The following TG variants were observed in gnomAD, a reference collection of about 807,000 sequenced individuals.
The protein encoded by TG is thyroglobulin.
TG carries 270 observed loss-of-function variants against 324.7 expected under a neutral mutation model. That is an observed-to-expected ratio of 0.83 (90% CI 0.75 to 0.92). The LOEUF (loss-of-function observed/expected upper bound fraction) is 0.92. TG is among the 40% of genes least tolerant of loss of function. The probability of loss-of-function intolerance (pLI) is 0.00; values close to 1 mark genes in which losing one functional copy is unlikely to be tolerated. For missense variants in TG, 3,591 were observed against 3,456.4 expected (o/e 1.04, Z -0.98); for synonymous variants, 1,401 against 1,327.0 (o/e 1.06, Z -1.21).
At chr8:133,051,263 CTAA>C in intron 41 of TG, among the ~76,000 whole-genome samples, 1 of 152,300 alleles carries the variant, frequency 6.6e-6, no homozygotes, top group South Asian at 2.1e-4. Context: ...TAAAATGGGA[CTAA>C]TACTACCTCA....
intron 27 of TG, among the ~76,000 whole-genome samples, chr8:132,957,163 A>G (rs1332907331): frequency 2.0e-5 from 3 of 152,186 alleles, no homozygotes; most frequent in Non-Finnish European, 2.9e-5. Flanking sequence ...CCTTGTGGTG[A>G]TTGACAAAGG....
At chr8:133,025,108 A>G (rs1360661909) in intron 40 of TG, among the ~76,000 whole-genome samples, 2 of 152,172 alleles carry the variant, frequency 1.3e-5, no homozygotes, top group African/African-American at 4.8e-5. Context: ...CAGCTCTGAG[A>G]AGGGAGCAAA....
chr8:133,038,777 AAG>A (rs1410375081), intron 41 of TG: 1 of 1,444,868 alleles, frequency 6.9e-7, no homozygotes, highest in Non-Finnish European at 9.7e-7. Context: ...AAGGGAAAAA[AAG>A]AGAGTCATAG....
At chr8:133,071,396 G>C (rs926675249) in intron 41 of TG, among the ~76,000 whole-genome samples, 1 of 152,198 alleles carries the variant, frequency 6.6e-6, no homozygotes, top group African/African-American at 2.4e-5. Context: ...GTGTCCTTAG[G>C]CCTGAGGAAA....
chr8:133,052,388 C>T (rs9942754), intron 41 of TG, among the ~76,000 whole-genome samples: 6,244 of 152,240 alleles, frequency 0.041, 319 homozygotes, highest in African/African-American at 0.12. Context: ...GGGTGTAAGA[C>T]AGAAACCAAG....
intron 35 of TG, among the ~76,000 whole-genome samples, chr8:132,992,743 C>G (rs575628424): frequency 9.9e-5 from 15 of 152,176 alleles, no homozygotes; most frequent in Non-Finnish European, 2.1e-4. Context: ...AGGGTTTGTT[C>G]CTCCTCTGCT....
At chr8:132,926,177 A>G (rs1252515146) in intron 22 of TG, among the ~76,000 whole-genome samples, 1 of 152,192 alleles carries the variant, frequency 6.6e-6, no homozygotes, top group African/African-American at 2.4e-5. Context: ...TAGGTCCTTA[A>G]GCAAGGGACT....
intron 23 of TG, 39 bp downstream of exon 23, chr8:132,929,231 G>A (rs1394469199): frequency 6.7e-7 from 1 of 1,496,582 alleles, no homozygotes; most frequent in Admixed American, 1.7e-5. Context: ...AGAAGAAGGT[G>A]TGGAAATAAG....
At chr8:133,102,590 C>T (rs890416231) in intron 43 of TG, 28 of 1,550,722 alleles carry the variant, frequency 1.8e-5, no homozygotes, top group African/African-American at 4.1e-5. Flanking sequence ...GTTCTCCATT[C>T]GCAGCAAATG....
chr8:132,886,381 G>A, intron 8 of TG, 67 bp from the exon 9 acceptor site: 3 of 1,605,856 alleles, frequency 1.9e-6, no homozygotes, highest in Non-Finnish European at 2.6e-6. Context: ...TAAAGGATCT[G>A]AGGAGCTGTC....
chr8:132,989,338 C>T (rs1475790163), intron 35 of TG, among the ~76,000 whole-genome samples: 2 of 152,178 alleles, frequency 1.3e-5, no homozygotes, highest in Non-Finnish European at 2.9e-5. Context: ...GGATTTTGTC[C>T]TCTCCATTCT....
intron 45 of TG, among the ~76,000 whole-genome samples, chr8:133,124,401 G>A (rs187036614): frequency 4.6e-5 from 7 of 152,138 alleles, no homozygotes; most frequent in Non-Finnish European, 7.3e-5. Context: ...ATCTACTCAC[G>A]CCCCATAGAG....
intron 41 of TG, chr8:133,076,611 A>G (rs1381859080): frequency 6.6e-6 from 1 of 152,194 alleles, no homozygotes; most frequent in Non-Finnish European, 1.5e-5. Context: ...TTAGACTGAT[A>G]GTCAGAGGTA....
chr8:133,036,482 G>A (rs1387909952), intron 41 of TG, among the ~76,000 whole-genome samples: 1 of 152,192 alleles, frequency 6.6e-6, no homozygotes, highest in African/African-American at 2.4e-5. Flanking sequence ...CAATCGTTCA[G>A]AATTTGGTGT....
intron 41 of TG, among the ~76,000 whole-genome samples, chr8:133,065,374 G>A (rs1842901244): frequency 6.6e-6 from 1 of 152,258 alleles, no homozygotes; most frequent in East Asian, 1.9e-4. Context: ...TAAAACCTGT[G>A]CTCTAACTCG....
At chr8:132,874,827 C>T (rs79377011) in intron 5 of TG, among the ~76,000 whole-genome samples, 3,096 of 152,294 alleles carry the variant, frequency 0.02, 113 homozygotes, top group African/African-American at 0.072. Context: ...AGAGGCTGCA[C>T]GCACGCACTC....
intron 16 of TG, among the ~76,000 whole-genome samples, chr8:132,902,736 G>C (rs1818104319): frequency 6.6e-6 from 1 of 152,188 alleles, no homozygotes; most frequent in South Asian, 2.1e-4. Context: ...AGGTCATCTA[G>C]GAGTGGTCTG....
intron 41 of TG, among the ~76,000 whole-genome samples, chr8:133,030,656 G>A (rs1376775379): frequency 6.6e-6 from 1 of 152,220 alleles, no homozygotes; most frequent in Non-Finnish European, 1.5e-5. Flanking sequence ...TAGGAAGCTT[G>A]TCATTACTGG....
At chr8:133,050,668 G>A in intron 41 of TG, 1 of 614,678 alleles carries the variant, frequency 1.6e-6, no homozygotes, top group South Asian at 1.9e-5. Context: ...TAAAGAGGAA[G>A]GTTGCAGTAT....
Sources: allele counts gnomAD v4.1 joint callset (sites outside exome capture counted in the v4.1 genomes callset), GRCh38; gene constraint gnomAD v4.1.1; transcripts MANE v1.5; gene names NCBI Gene and HGNC (gene_info 2026-07-23, HGNC 2026-07-21).